Variants in CCSER1 observed in about 807,000 individuals in gnomAD.
CCSER1 encodes the protein serine-rich coiled-coil domain-containing protein 1.
Under a neutral mutation model 82.0 loss-of-function variants are expected in CCSER1, and 41 were observed. The observed-to-expected ratio is 0.50, with a 90% CI of 0.39 to 0.65. The LOEUF is 0.65. CCSER1 is among the 30% of genes least tolerant of loss of function. The pLI is 0.00. For synonymous variants in CCSER1, 414 were observed against 383.9 expected (o/e 1.08, Z -0.92); for missense variants, 1,119 against 1,064.2 (o/e 1.05, Z -0.72).
chr4:90,234,595 T>C (rs1451359553), intron 1 of CCSER1, among the ~76,000 whole-genome samples: 1 of 152,186 alleles, frequency 6.6e-6, no homozygotes, highest in Non-Finnish European at 1.5e-5. Flanking sequence ...GAAATAGGCC[T>C]CAAGGCACAC....
intron 6 of CCSER1, among the ~76,000 whole-genome samples, chr4:90,688,238 A>G (rs923939027): frequency 6.6e-6 from 1 of 152,090 alleles, no homozygotes; most frequent in African/African-American, 2.4e-5. Context: ...GTCACTGTCA[A>G]TACCCATTTC....
At chr4:90,650,825 C>T (rs1186324961) in intron 6 of CCSER1, among the ~76,000 whole-genome samples, 2 of 152,150 alleles carry the variant, frequency 1.3e-5, no homozygotes, top group African/African-American at 4.8e-5. Flanking sequence ...AACTTTTCTT[C>T]TCCATTTCTA....
chr4:90,611,271 T>C (rs1785465747), intron 5 of CCSER1, among the ~76,000 whole-genome samples: 2 of 152,000 alleles, frequency 1.3e-5, no homozygotes, highest in Non-Finnish European at 2.9e-5. Context: ...TGAAGCTCTG[T>C]TGCCTTTATT....
chr4:90,557,849 C>T (rs1300499322), intron 5 of CCSER1, among the ~76,000 whole-genome samples: 2 of 151,982 alleles, frequency 1.3e-5, no homozygotes. Flanking sequence ...GTACCATAGC[C>T]TTAATGTGTT....
intron 10 of CCSER1, among the ~76,000 whole-genome samples, chr4:91,114,753 G>T (rs562436963): frequency 3.3e-5 from 5 of 152,142 alleles, no homozygotes; most frequent in Non-Finnish European, 7.4e-5. Context: ...GTCAATTTCA[G>T]TATCTCATCA....
intron 1 of CCSER1, among the ~76,000 whole-genome samples, chr4:90,154,235 T>C (rs1287871520): frequency 1.3e-5 from 2 of 152,246 alleles, no homozygotes; most frequent in Non-Finnish European, 2.9e-5. Flanking sequence ...TCCATTGATC[T>C]ATATCTCTGT....
chr4:90,134,330 T>TA (rs1723296524), intron 1 of CCSER1, among the ~76,000 whole-genome samples: 1 of 152,190 alleles, frequency 6.6e-6, no homozygotes, highest in African/African-American at 2.4e-5. Flanking sequence ...ATCTGTGTAT[T>TA]ACCTGTCCTT....
chr4:90,783,040 C>G (rs980236824), intron 7 of CCSER1, among the ~76,000 whole-genome samples: 2 of 152,084 alleles, frequency 1.3e-5, no homozygotes, highest in Non-Finnish European at 1.5e-5. Flanking sequence ...CTCCCTGGTT[C>G]AAGTAATTCT....
At chr4:90,720,423 A>G (rs17017454) in intron 6 of CCSER1, among the ~76,000 whole-genome samples, 34,517 of 152,020 alleles carry the variant, frequency 0.23, 4,958 homozygotes, top group African/African-American at 0.4. Context: ...TATTTATAAT[A>G]CTTGTAAAAG....
intron 9 of CCSER1, among the ~76,000 whole-genome samples, chr4:90,970,369 TATA>T (rs1281330289): frequency 2.6e-5 from 4 of 152,092 alleles, no homozygotes; most frequent in African/African-American, 9.6e-5. Context: ...AATGTCATTA[TATA>T]ATGAGAAAAG....
intron 9 of CCSER1, among the ~76,000 whole-genome samples, chr4:90,979,417 G>A (rs552010073): frequency 3.2e-4 from 49 of 151,652 alleles, no homozygotes; most frequent in South Asian, 3.1e-3. Context: ...TATTTTAAAT[G>A]TTATATATTT....
intron 7 of CCSER1, among the ~76,000 whole-genome samples, chr4:90,774,642 T>C (rs1189984162): frequency 6.6e-6 from 1 of 152,140 alleles, no homozygotes; most frequent in African/African-American, 2.4e-5. Context: ...CATGTCCATC[T>C]TTTTAATACC....
At chr4:90,490,344 C>A (rs1214085503) in intron 5 of CCSER1, among the ~76,000 whole-genome samples, 1 of 152,074 alleles carries the variant, frequency 6.6e-6, no homozygotes, top group Non-Finnish European at 1.5e-5. Flanking sequence ...CTGTTCATAT[C>A]CTTCACCCAC....
At chr4:91,536,467 A>G (rs7697141) in intron 10 of CCSER1, among the ~76,000 whole-genome samples, 10,039 of 152,074 alleles carry the variant, frequency 0.066, 353 homozygotes, top group Middle Eastern at 0.096. Context: ...ACCTTTTTCT[A>G]CCCTGCTTTG....
At chr4:90,651,436 G>A (rs554570473) in intron 6 of CCSER1, among the ~76,000 whole-genome samples, 19 of 152,140 alleles carry the variant, frequency 1.2e-4, no homozygotes, top group Middle Eastern at 3.4e-3. Context: ...AACTAACACA[G>A]GAACAGAAAA....
chr4:91,504,225 G>T (rs1759367912), intron 10 of CCSER1, among the ~76,000 whole-genome samples: 1 of 152,116 alleles, frequency 6.6e-6, no homozygotes, highest in African/African-American at 2.4e-5. Context: ...TTTGGGAAAA[G>T]GGTATACATT....
At chr4:90,938,493 A>G (rs997512428) in intron 9 of CCSER1, among the ~76,000 whole-genome samples, 7 of 152,102 alleles carry the variant, frequency 4.6e-5, no homozygotes, top group African/African-American at 7.2e-5. Context: ...GCCTATAAGC[A>G]TTACTAATAT....
At chr4:91,161,371 G>A (rs1468925439) in intron 10 of CCSER1, among the ~76,000 whole-genome samples, 1 of 152,136 alleles carries the variant, frequency 6.6e-6, no homozygotes, top group Middle Eastern at 3.2e-3. Context: ...GCTTAGGGTT[G>A]TCTTGGCAAT....
At chr4:91,327,379 C>A (rs2149272495) in intron 10 of CCSER1, among the ~76,000 whole-genome samples, 1 of 152,334 alleles carries the variant, frequency 6.6e-6, no homozygotes, top group African/African-American at 2.4e-5. Context: ...ATGGTTGGAG[C>A]TGCACCTTGG....
Sources: allele counts gnomAD v4.1 joint callset (sites outside exome capture counted in the v4.1 genomes callset), GRCh38; gene constraint gnomAD v4.1.1; transcripts MANE v1.5; gene names NCBI Gene and HGNC (gene_info 2026-07-23, HGNC 2026-07-21).